Variants in CHCHD3 observed in about 807,000 individuals in gnomAD.
CHCHD3 encodes MICOS complex subunit MIC19.
A neutral mutation model predicts 38.2 loss-of-function variants in CHCHD3; 20 were observed. That is an observed-to-expected ratio of 0.52 (90% CI 0.37 to 0.76). CHCHD3 has a LOEUF of 0.76. Ranked by LOEUF, CHCHD3 falls within the 30% of genes least tolerant of loss-of-function variation. The pLI is 0.00. For missense variants in CHCHD3, 245 were observed against 279.2 expected, an observed-to-expected ratio of 0.88 and a Z score of 0.87; for synonymous variants, 82 against 100.0, an observed-to-expected ratio of 0.82 and a Z score of 1.07.
At chr7:132,972,681 A>T in intron 4 of CHCHD3, 1 of 985,434 alleles carries the variant, frequency 1.0e-6, no homozygotes, top group Non-Finnish European at 1.2e-6. Context: ...CACTCTGGGA[A>T]GGAAGGGACT....
intron 6 of CHCHD3, among the ~76,000 whole-genome samples, chr7:132,825,072 G>A (rs753432726): frequency 2.0e-5 from 3 of 152,004 alleles, no homozygotes; most frequent in Non-Finnish European, 2.9e-5. Context: ...TTCTGCAGTC[G>A]AGCTAATGAT....
At chr7:132,903,483 C>T (rs926038694) in intron 4 of CHCHD3, among the ~76,000 whole-genome samples, 9 of 152,086 alleles carry the variant, frequency 5.9e-5, no homozygotes, top group African/African-American at 1.4e-4. Flanking sequence ...AGAAAAGTGA[C>T]CTGCCTGAAA....
intron 4 of CHCHD3, among the ~76,000 whole-genome samples, chr7:132,905,765 A>T (rs1343659571): frequency 1.3e-5 from 2 of 152,202 alleles, no homozygotes; most frequent in African/African-American, 4.8e-5. Flanking sequence ...GTCCATTTGG[A>T]TGGGCTGATC....
chr7:132,832,774 A>G (rs1304006256), intron 6 of CHCHD3, among the ~76,000 whole-genome samples: 3 of 152,202 alleles, frequency 2.0e-5, no homozygotes, highest in Non-Finnish European at 2.9e-5. Flanking sequence ...ATCAGCTCCA[A>G]TGTAGCCACA....
At chr7:132,899,625 C>T (rs1037885069) in intron 4 of CHCHD3, among the ~76,000 whole-genome samples, 4 of 152,166 alleles carry the variant, frequency 2.6e-5, no homozygotes, top group African/African-American at 9.7e-5. Flanking sequence ...GCAGGCCAGG[C>T]AGAGTAAATC....
intron 4 of CHCHD3, among the ~76,000 whole-genome samples, chr7:132,954,843 C>T (rs1036495289): frequency 2.0e-5 from 3 of 152,158 alleles, no homozygotes; most frequent in Non-Finnish European, 2.9e-5. Flanking sequence ...CTGACGGAGG[C>T]TCATTGTGGT....
intron 2 of CHCHD3, among the ~76,000 whole-genome samples, chr7:133,026,524 A>G (rs191313997): frequency 6.6e-6 from 1 of 152,352 alleles, no homozygotes; most frequent in East Asian, 1.9e-4. Flanking sequence ...TTTAGGTACT[A>G]TATATACTCA....
intron 5 of CHCHD3, among the ~76,000 whole-genome samples, chr7:132,856,060 CA>C (rs1808337275): frequency 6.6e-6 from 1 of 152,056 alleles, no homozygotes; most frequent in Non-Finnish European, 1.5e-5. Flanking sequence ...AAGATCCCAC[CA>C]AGGGGTGATA....
Position 132,928,680 on chromosome 7 carries a change from G to C in CHCHD3, c.370-42935C>G, listed in dbSNP as rs1330639009. Among the ~76,000 whole-genome samples, 3 of 152,106 alleles carry C rather than the reference G, an allele frequency of 2.0e-5. No individual in the cohort carries two copies. In the East Asian group the frequency reaches 5.8e-4, roughly 29 times the overall value. On this transcript the variant is annotated intron_variant, in intron 4 of 7. Coordinates refer to ENST00000262570, the MANE Select transcript of CHCHD3 (RefSeq NM_017812.4). ...CCACTGCACTCCAGCCAGAGCAACA[G>C]AGCAAGACTCCATCAAAAAATAAAA...
At chr7:133,005,938 A>G (rs1003970257) in intron 3 of CHCHD3, among the ~76,000 whole-genome samples, 10 of 152,250 alleles carry the variant, frequency 6.6e-5, no homozygotes. Flanking sequence ...TCCCAGCTAT[A>G]TCATATCTCA....
intron 3 of CHCHD3, among the ~76,000 whole-genome samples, chr7:132,986,417 G>GAAAAAAGAAAAAAAAAAAAAAAAAAAAAA (rs1812123668): frequency 1.9e-5 from 1 of 52,588 alleles, no homozygotes; most frequent in Non-Finnish European, 3.9e-5. Flanking sequence ...AAAAGAAAAA[G>GAAAAAAGAAAAAAAAAAAAAAAAAAAAAA]AAAAAAGAAA....
chr7:132,947,296 T>C (rs1032831331), intron 4 of CHCHD3, among the ~76,000 whole-genome samples: 8 of 151,920 alleles, frequency 5.3e-5, no homozygotes, highest in African/African-American at 1.9e-4. Flanking sequence ...TATCTCAATA[T>C]CTAAGCATAC....
chr7:132,982,863 T>C (rs1277281900), intron 3 of CHCHD3, among the ~76,000 whole-genome samples: 1 of 152,104 alleles, frequency 6.6e-6, no homozygotes, highest in Non-Finnish European at 1.5e-5. Context: ...ATAAATATAT[T>C]GAACATTTTT....
intron 5 of CHCHD3, among the ~76,000 whole-genome samples, chr7:132,848,305 G>GTTT (rs1291784151): frequency 6.6e-6 from 1 of 152,146 alleles, no homozygotes; most frequent in African/African-American, 2.4e-5. Context: ...CTTAATTATA[G>GTTT]TTTTTGTTAT....
At chr7:132,847,923 T>C (rs1362147401) in intron 5 of CHCHD3, among the ~76,000 whole-genome samples, 1 of 152,204 alleles carries the variant, frequency 6.6e-6, no homozygotes, top group African/African-American at 2.4e-5. Context: ...ATGTAACACA[T>C]GAGGGCTGAA....
intron 5 of CHCHD3, among the ~76,000 whole-genome samples, chr7:132,881,847 G>C (rs1562895059): frequency 6.6e-6 from 1 of 152,108 alleles, no homozygotes; most frequent in Non-Finnish European, 1.5e-5. Flanking sequence ...CAATACAGAA[G>C]AAAATCTCTT....
chr7:132,803,773 A>C (rs1372098858), intron 6 of CHCHD3, among the ~76,000 whole-genome samples: 2 of 146,558 alleles, frequency 1.4e-5, no homozygotes, highest in Non-Finnish European at 3.0e-5. Flanking sequence ...GAAGGAATAC[A>C]CTCTTCCCGG....
At chr7:133,063,000 C>G (rs1323436753) in intron 2 of CHCHD3, among the ~76,000 whole-genome samples, 2 of 152,180 alleles carry the variant, frequency 1.3e-5, no homozygotes, top group Non-Finnish European at 2.9e-5. Context: ...GTTTCAGAAC[C>G]TACCAAGCTT....
chr7:132,883,942 A>G (rs1809140856), intron 5 of CHCHD3, among the ~76,000 whole-genome samples: 1 of 152,154 alleles, frequency 6.6e-6, no homozygotes, highest in Admixed American at 6.5e-5. Context: ...TAAAAGCCAT[A>G]AACCTAGAGT....
Sources: allele counts gnomAD v4.1 joint callset (sites outside exome capture counted in the v4.1 genomes callset), GRCh38; gene constraint gnomAD v4.1.1; transcripts MANE v1.5; gene names NCBI Gene and HGNC (gene_info 2026-07-23, HGNC 2026-07-21).